The following LYPD6B variants were observed in gnomAD, a reference collection of about 807,000 sequenced individuals.
LYPD6B encodes the protein ly6/PLAUR domain-containing protein 6B.
A neutral mutation model predicts 22.8 loss-of-function variants in LYPD6B; 17 were observed. The observed-to-expected ratio is 0.75, with a 90% CI of 0.51 to 1.12. LYPD6B has a LOEUF of 1.12. Ranked by LOEUF, LYPD6B falls within the 50% of genes most tolerant of loss-of-function variation. The pLI is 0.00. For missense variants in LYPD6B, 221 were observed against 258.3 expected (o/e 0.86, Z 0.99); for synonymous variants, 106 against 91.6 (o/e 1.16, Z -0.90).
intron 3 of LYPD6B, among the ~76,000 whole-genome samples, chr2:149,182,596 A>G (rs1422140883): frequency 6.6e-6 from 1 of 152,190 alleles, no homozygotes; most frequent in Non-Finnish European, 1.5e-5. Context: ...ATTCAAGTGG[A>G]ACTCAGTCCT....
chr2:149,052,302 G>A (rs200866190), intron 1 of LYPD6B, among the ~76,000 whole-genome samples: 4 of 152,094 alleles, frequency 2.6e-5, no homozygotes, highest in African/African-American at 4.8e-5. Context: ...TGATCCGCCC[G>A]CCTCAGCATC....
chr2:149,209,449 T>G (rs1693705654), intron 5 of LYPD6B, among the ~76,000 whole-genome samples: 1 of 152,142 alleles, frequency 6.6e-6, no homozygotes, highest in Non-Finnish European at 1.5e-5. Context: ...AAAACCCTAC[T>G]TAGGAGATCG....
chr2:149,117,585 T>C (rs1464180036), intron 1 of LYPD6B, among the ~76,000 whole-genome samples: 1 of 152,170 alleles, frequency 6.6e-6, no homozygotes, highest in East Asian at 1.9e-4. Context: ...GATTTGTCAA[T>C]GTGTGAAGTG....
intron 3 of LYPD6B, among the ~76,000 whole-genome samples, chr2:149,200,373 A>T (rs1041385468): frequency 6.6e-6 from 1 of 152,020 alleles, no homozygotes; most frequent in Admixed American, 6.6e-5. Context: ...TCATCTTTGG[A>T]CACCCTGCCA....
At chr2:149,073,585 G>A (rs550321733) in intron 1 of LYPD6B, among the ~76,000 whole-genome samples, 1 of 152,186 alleles carries the variant, frequency 6.6e-6, no homozygotes, top group Admixed American at 6.5e-5. Context: ...AGAGCATTAG[G>A]AAGATCCGTT....
chr2:149,178,387 G>A (rs1396410332), intron 3 of LYPD6B, among the ~76,000 whole-genome samples: 4 of 152,128 alleles, frequency 2.6e-5, no homozygotes, highest in Non-Finnish European at 5.9e-5. Context: ...CTAGATGTCC[G>A]TGCAAAATTA....
At chr2:149,108,503 A>G (rs1686606036) in intron 1 of LYPD6B, among the ~76,000 whole-genome samples, 1 of 152,134 alleles carries the variant, frequency 6.6e-6, no homozygotes. Flanking sequence ...CCTAATGTTC[A>G]TGTTGTCACT....
intron 2 of LYPD6B, among the ~76,000 whole-genome samples, chr2:149,151,195 G>T (rs1315120796): frequency 6.6e-6 from 1 of 152,076 alleles, no homozygotes; most frequent in Non-Finnish European, 1.5e-5. Context: ...TCCTGTAGGC[G>T]CTGGGTGGTG....
chr2:149,158,622 A>G (rs1003477023), intron 2 of LYPD6B, among the ~76,000 whole-genome samples: 10 of 152,210 alleles, frequency 6.6e-5, no homozygotes, highest in Non-Finnish European at 1.5e-4. Flanking sequence ...AACACTGTGA[A>G]TGTACTGAAT....
chr2:149,163,780 T>C (rs1690245471), intron 3 of LYPD6B, among the ~76,000 whole-genome samples: 1 of 152,200 alleles, frequency 6.6e-6, no homozygotes, highest in African/African-American at 2.4e-5. Flanking sequence ...AATCATTCTC[T>C]TGTTTTGGGA....
chr2:149,131,189 A>G (rs1357442427), intron 2 of LYPD6B: 6 of 471,618 alleles, frequency 1.3e-5, no homozygotes, highest in Admixed American at 1.2e-4. Flanking sequence ...GTGTCTCAGA[A>G]TGTTTTGATG....
intron 4 of LYPD6B, among the ~76,000 whole-genome samples, chr2:149,206,747 A>C (rs1693530871): frequency 6.6e-6 from 1 of 152,084 alleles, no homozygotes; most frequent in South Asian, 2.1e-4. Context: ...TTTTCTATGT[A>C]TGTGTATTTA....
At chr2:149,145,072 T>G (rs1485652398) in intron 2 of LYPD6B, among the ~76,000 whole-genome samples, 1 of 152,182 alleles carries the variant, frequency 6.6e-6, no homozygotes, top group African/African-American at 2.4e-5. Context: ...ATAGCCTCGC[T>G]CAGATTCTTT....
intron 1 of LYPD6B, among the ~76,000 whole-genome samples, chr2:149,094,577 G>C (rs1032561945): frequency 5.2e-4 from 79 of 152,200 alleles, no homozygotes; most frequent in African/African-American, 1.8e-3. Flanking sequence ...TGCATTTCCT[G>C]TAAGACTGGG....
intron 1 of LYPD6B, among the ~76,000 whole-genome samples, chr2:149,061,972 C>CTTTTTT (rs780959897): frequency 7.0e-6 from 1 of 142,698 alleles, no homozygotes; most frequent in South Asian, 2.2e-4. Flanking sequence ...ATCGTAGAAT[C>CTTTTTT]TTTTTTTTTT....
chr2:149,151,413 C>G (rs1413367417), intron 2 of LYPD6B, among the ~76,000 whole-genome samples: 1 of 152,138 alleles, frequency 6.6e-6, no homozygotes. Context: ...TCCATTTTGC[C>G]TGATGCTTTC....
chr2:149,074,756 G>A (rs76142379), intron 1 of LYPD6B, among the ~76,000 whole-genome samples: 49 of 152,326 alleles, frequency 3.2e-4, no homozygotes, highest in Non-Finnish European at 5.4e-4. Context: ...ATTAATTTGA[G>A]TTAACATTTA....
At chr2:149,145,343 A>G (rs1688953237) in intron 2 of LYPD6B, among the ~76,000 whole-genome samples, 1 of 152,196 alleles carries the variant, frequency 6.6e-6, no homozygotes, top group Admixed American at 6.5e-5. Flanking sequence ...CTGGGATATT[A>G]GAGGATATTT....
intron 3 of LYPD6B, among the ~76,000 whole-genome samples, chr2:149,180,623 G>A (rs1163305661): frequency 1.3e-5 from 2 of 152,190 alleles, no homozygotes; most frequent in Admixed American, 6.5e-5. Context: ...TTAATTTGTG[G>A]GCAGGAGGCT....
Sources: gnomAD v4.1 joint callset for allele counts (sites outside exome capture counted in the v4.1 genomes callset) on GRCh38, gnomAD v4.1.1 for gene constraint, MANE v1.5 for transcripts, NCBI Gene and HGNC (gene_info 2026-07-23, HGNC 2026-07-21) for gene names.